The following MAP3K13 variants were observed in gnomAD, a reference collection of about 807,000 sequenced individuals.
The protein encoded by MAP3K13 is mitogen-activated protein kinase kinase kinase 13, also known as leucine zipper-bearing kinase.
In MAP3K13, 52 loss-of-function variants were observed where a neutral mutation model predicts 104.0. The observed-to-expected ratio is 0.50, with a 90% CI of 0.40 to 0.63. The LOEUF (loss-of-function observed/expected upper bound fraction) is 0.63, where lower values mean the gene tolerates loss of function less well. MAP3K13 is among the 20% of genes least tolerant of loss of function. The probability of loss-of-function intolerance (pLI) is 0.00; values close to 1 mark genes in which losing one functional copy is unlikely to be tolerated. For synonymous variants in MAP3K13, 394 were observed against 442.2 expected (o/e 0.89, Z 1.37); for missense variants, 914 against 1,218.5 (o/e 0.75, Z 3.72).
At position 185,395,946 on chromosome 3, in the gene MAP3K13, TG is replaced by T. The variant is rs1198506501; in HGVS notation, c.-85-32548del. Among the ~76,000 whole-genome samples the T allele has an allele frequency of 2.6e-5, 4 of 152,264 alleles. No homozygotes were observed. In the East Asian group the frequency reaches 7.8e-4, roughly 30 times the overall value. ...TGCCCATCTTAGTCTCCCAAAGTGTTGGGATTACAGGCATGAGCCACTGCGT... is the reference window on the plus strand; with the variant it reads ...TGCCCATCTTAGTCTCCCAAAGTGTTGGATTACAGGCATGAGCCACTGCGT... On this transcript the variant is annotated intron_variant, in intron 1 of 13. Transcript: ENST00000265026.
intron 2 of MAP3K13, among the ~76,000 whole-genome samples, chr3:185,306,248 C>T (rs1271098183): frequency 3.9e-5 from 6 of 152,120 alleles, no homozygotes; most frequent in Non-Finnish European, 2.9e-5. Flanking sequence ...TACATGAGTG[C>T]ATGTGTCTTT....
chr3:185,426,387 G>A (rs1212631449), intron 1 of MAP3K13, among the ~76,000 whole-genome samples: 8 of 152,096 alleles, frequency 5.3e-5, no homozygotes, highest in East Asian at 1.9e-4. Flanking sequence ...CCAAGGATAC[G>A]ATGTTTTCAT....
At chr3:185,479,521 A>C (rs1057228533) in intron 12 of MAP3K13, among the ~76,000 whole-genome samples, 16 of 152,252 alleles carry the variant, frequency 1.1e-4, no homozygotes, top group African/African-American at 3.9e-4. Flanking sequence ...TTCAATTTGG[A>C]CATTCCATAC....
rs148794335 is a variant in MAP3K13, at chr3:185,287,914, G to C, written c.-86+2271G>C. On this transcript the variant is annotated intron_variant, in intron 2 of 14. Coordinates refer to the MAP3K13 transcript ENST00000424227. ...TAGCTGGGCATGGTGGCACATGCCT[G>C]TAATCCCAGCTACTTGGGAGGCTGA... Among the ~76,000 whole-genome samples the C allele has an allele frequency of 4.0e-3, 606 of 152,284 alleles. 2 individuals are homozygous for C. The highest frequency in any genetic ancestry group is 0.014 in the African/African-American group (576 of 41,560).
In MAP3K13 at chr3:185,399,627, G is replaced by GGGGC. The variant is rs1491279615; in HGVS notation, c.-85-28867_-85-28866insCGGG. Among the ~76,000 whole-genome samples, 6 of 3,998 alleles carry GGGGC rather than the reference G, an allele frequency of 1.5e-3. 2 individuals are homozygous for GGGGC. The highest frequency in any genetic ancestry group is 0.013 in the South Asian group (1 of 80). The allele number at this position is 3,998 out of a possible 152,430, so 2.6% of individuals were successfully genotyped here. A position where few individuals can be genotyped will look rare whatever the true frequency, so the allele number is the denominator to read the frequency against. ...GTCAGAAAGAAAGAGAGAGAAAGGC[G>GGGGC]GGGGGGGGGGGGGAGGGAGGGAGGA... On this transcript the variant is annotated intron_variant, in intron 1 of 13. Coordinates refer to ENST00000265026, the MANE Select transcript of MAP3K13 (RefSeq NM_004721.5).
chr3:185,304,694 C>T (rs573931315), intron 2 of MAP3K13, among the ~76,000 whole-genome samples: 9 of 152,094 alleles, frequency 5.9e-5, no homozygotes, highest in Non-Finnish European at 1.0e-4. Flanking sequence ...AGTACAGTGG[C>T]GCGATCTTGG....
chr3:185,297,335 A>G (rs1245133135), intron 2 of MAP3K13, among the ~76,000 whole-genome samples: 5 of 152,314 alleles, frequency 3.3e-5, no homozygotes, highest in African/African-American at 9.6e-5. Context: ...AAAAATACCA[A>G]CCAGCACATC....
At position 185,418,181 on chromosome 3, in the gene MAP3K13, G is replaced by T; in HGVS notation, c.-85-10316G>T. The T allele has an allele frequency of 6.2e-7, 1 of 1,610,934 alleles. No homozygotes were observed. Among genetic ancestry groups the T allele is most frequent in the African/African-American group, 1.3e-5 (1 of 74,964 alleles). ...CACAGGCCCCTGCGCTGGATACGGC[G>T]ACGGTTTCTCATTTTGCCTTTGCCA... On this transcript the variant is annotated intron_variant, in intron 1 of 13. Coordinates refer to ENST00000265026, the MANE Select transcript of MAP3K13 (RefSeq NM_004721.5). The surrounding 1 kb of genome is among the most constrained non-coding windows in gnomAD (Gnocchi z 4.5).
intron 2 of MAP3K13, among the ~76,000 whole-genome samples, chr3:185,346,671 C>T (rs1722935262): frequency 6.6e-6 from 1 of 152,172 alleles, no homozygotes; most frequent in Admixed American, 6.5e-5. Flanking sequence ...ATTAACTTCT[C>T]AAACTTGAAT....
chr3:185,407,112 C>T (rs1049525124), intron 1 of MAP3K13, among the ~76,000 whole-genome samples: 1 of 152,124 alleles, frequency 6.6e-6, no homozygotes, highest in East Asian at 1.9e-4. Context: ...AGTTGATTTG[C>T]CTCAGTAAAT....
chr3:185,450,717 T>C lies in MAP3K13; in HGVS notation c.1170-570T>C, dbSNP rs2148897258. ...TGGGAGGCCGAGGTAGGAGGATCAC[T>C]TGAACCCATGAGTCTGAGATCAGCT... is the stretch of plus-strand genomic sequence containing the variant. On this transcript the variant is annotated intron_variant, in intron 6 of 13. Coordinates refer to ENST00000265026, the MANE Select transcript of MAP3K13 (RefSeq NM_004721.5). This position sits in a 1 kb window ranked among gnomAD's most constrained non-coding sequence, Gnocchi z 4.2. 6.6e-6 allele frequency among the ~76,000 whole-genome samples: 1 copy of C among 151,612 alleles called. No homozygotes were observed. Among genetic ancestry groups the C allele is most frequent in the East Asian group, 1.9e-4 (1 of 5,164 alleles).
At position 185,450,555 on chromosome 3, in the gene MAP3K13, C is replaced by T. The variant is rs926335722; in HGVS notation, c.1169+497C>T. On this transcript the variant is annotated intron_variant, in intron 6 of 13. Coordinates refer to ENST00000265026, the MANE Select transcript of MAP3K13 (RefSeq NM_004721.5). The surrounding 1 kb of genome is among the most constrained non-coding windows in gnomAD (Gnocchi z 4.2). The stretch of plus-strand genomic sequence containing the variant: ...GCAGAGATGGGAGGATCACTTGAGG[C>T]GAGGAGTTCAAGAGCAGCTTGGGCA... Among the ~76,000 whole-genome samples the T allele has an allele frequency of 6.6e-6, 1 of 151,872 alleles. No homozygotes were observed. Among genetic ancestry groups the T allele is most frequent in the Non-Finnish European group, 1.5e-5 (1 of 67,988 alleles).
In MAP3K13 at chr3:185,402,545, G is replaced by A. The variant is rs139703848; in HGVS notation, c.-85-25952G>A. ...CTCATTATAAAATCATAATGTTCTC[G>A]CCTTTGAATTTTAGTATTTATTGTC... On this transcript the variant is annotated intron_variant, in intron 1 of 13. Transcript: ENST00000265026. 2.2e-3 allele frequency among the ~76,000 whole-genome samples: 333 copies of A among 152,064 alleles called. 2 individuals carry two copies. Among genetic ancestry groups the A allele is most frequent in the Non-Finnish European group, 3.7e-3 (251 of 68,000 alleles).
Position 185,408,505 on chromosome 3 carries a change from T to C in MAP3K13, c.-85-19992T>C, listed in dbSNP as rs145790366. On this transcript the variant is annotated intron_variant, in intron 1 of 13. Transcript: ENST00000265026. Reference sequence around the variant, plus strand: ...AAGAATCACTTGAACTCTGATGGTATAGGTTGCAGTGAGCCGAAATCATGC... The same window carrying C: ...AAGAATCACTTGAACTCTGATGGTACAGGTTGCAGTGAGCCGAAATCATGC... Among the ~76,000 whole-genome samples the C allele has an allele frequency of 6.3e-3, 964 of 151,856 alleles. 9 individuals are homozygous for C. Among genetic ancestry groups the C allele is most frequent in the African/African-American group, 0.022 (911 of 41,390 alleles).
chr3:185,414,442 A>G (rs182162404), intron 1 of MAP3K13, among the ~76,000 whole-genome samples: 3 of 152,350 alleles, frequency 2.0e-5, no homozygotes, highest in Admixed American at 2.0e-4. Context: ...TTACAAACTT[A>G]TGAGACTTAG....
chr3:185,320,720 A>T (rs1721823484), intron 2 of MAP3K13, among the ~76,000 whole-genome samples: 1 of 152,160 alleles, frequency 6.6e-6, no homozygotes, highest in African/African-American at 2.4e-5. Flanking sequence ...GGATATTTTA[A>T]ATTAGATGGA....
At chr3:185,380,180 C>T (rs186979105) in intron 1 of MAP3K13, among the ~76,000 whole-genome samples, 2 of 113,284 alleles carry the variant, frequency 1.8e-5, no homozygotes, top group Non-Finnish European at 1.8e-5. Flanking sequence ...AGTGAGGCTC[C>T]GTCTCAAAAA....
At chr3:185,316,303 C>A (rs1439859794) in intron 2 of MAP3K13, among the ~76,000 whole-genome samples, 1 of 152,048 alleles carries the variant, frequency 6.6e-6, no homozygotes, top group Non-Finnish European at 1.5e-5. Flanking sequence ...GTTACAAATT[C>A]TTTATGTTAA....
chr3:185,314,843 C>T (rs1721619538), intron 2 of MAP3K13, among the ~76,000 whole-genome samples: 1 of 152,102 alleles, frequency 6.6e-6, no homozygotes, highest in African/African-American at 2.4e-5. Flanking sequence ...GTCTCATCTT[C>T]TTGCCCAGGC....
Sources: gnomAD v4.1 joint callset for allele counts (sites outside exome capture counted in the v4.1 genomes callset) on GRCh38, gnomAD v4.1.1 for gene constraint, Gnocchi (gnomAD v3.1) non-coding constraint, MANE v1.5 for transcripts, NCBI Gene and HGNC (gene_info 2026-07-23, HGNC 2026-07-21) for gene names.